TMPRSS12: variants seen among roughly 807,000 people sequenced by gnomAD.
TMPRSS12 encodes the protein transmembrane protease serine 12.
A neutral mutation model predicts 26.0 loss-of-function variants in TMPRSS12; 25 were observed. That is an observed-to-expected ratio of 0.96 (90% CI 0.70 to 1.34). The LOEUF (loss-of-function observed/expected upper bound fraction) is 1.34. Ranked by LOEUF, TMPRSS12 falls within the 40% of genes most tolerant of loss-of-function variation. The probability of loss-of-function intolerance (pLI) is 0.00; values close to 1 mark genes in which losing one functional copy is unlikely to be tolerated. For missense variants in TMPRSS12, 441 were observed against 440.1 expected, an observed-to-expected ratio of 1.00 and a Z score of -0.02; for synonymous variants, 150 against 161.7, an observed-to-expected ratio of 0.93 and a Z score of 0.55.
In TMPRSS12 at chr12:50,879,276, G is replaced by A. The variant is rs541418505; in HGVS notation, c.653-5970G>A. Among the ~76,000 whole-genome samples the A allele has an allele frequency of 3.9e-5, 6 of 152,102 alleles. No homozygotes were observed. In the South Asian group the frequency reaches 1.2e-3, roughly 31 times the overall value. ...GCGATGATTTCTTAGGACACCAAAAGCACAACCATTAATAAAAATAAAAAT... is the reference window on the plus strand; with the variant it reads ...GCGATGATTTCTTAGGACACCAAAAACACAACCATTAATAAAAATAAAAAT... On this transcript the variant is annotated intron_variant, in intron 3 of 4. Coordinates refer to ENST00000398458, the MANE Select transcript of TMPRSS12 (RefSeq NM_182559.3).
intron 3 of TMPRSS12, among the ~76,000 whole-genome samples, chr12:50,877,590 AATAGCGTTT>A (rs1175860825): frequency 1.3e-5 from 2 of 152,214 alleles, no homozygotes; most frequent in Non-Finnish European, 2.9e-5. Flanking sequence ...TTCCATTCAT[AATAGCGTTT>A]ATTTATTTAT....
At chr12:50,853,581 C>CAAA (rs34657217) in intron 2 of TMPRSS12, among the ~76,000 whole-genome samples, 1,738 of 102,176 alleles carry the variant, frequency 0.017, 26 homozygotes, top group Non-Finnish European at 0.02. Context: ...GCTAGACTAA[C>CAAA]AAAAAAAAAA....
intron 2 of TMPRSS12, among the ~76,000 whole-genome samples, chr12:50,851,468 G>A (rs1937825647): frequency 6.6e-6 from 1 of 152,116 alleles, no homozygotes; most frequent in South Asian, 2.1e-4. Flanking sequence ...CTCAGAGCTG[G>A]AAGACTAGTT....
intron 3 of TMPRSS12, among the ~76,000 whole-genome samples, chr12:50,875,388 G>A (rs1273065093): frequency 6.6e-6 from 1 of 151,132 alleles, no homozygotes; most frequent in Non-Finnish European, 1.5e-5. Context: ...CTACTTGGGA[G>A]GCTGAGGCAG....
chr12:50,868,040 C>T (rs1239679304), intron 3 of TMPRSS12, among the ~76,000 whole-genome samples: 1 of 152,162 alleles, frequency 6.6e-6, no homozygotes, highest in East Asian at 1.9e-4. Context: ...ATAAATCTCA[C>T]AGGACCTATA....
At chr12:50,865,868 T>C (rs544360693) in intron 3 of TMPRSS12, among the ~76,000 whole-genome samples, 1 of 152,254 alleles carries the variant, frequency 6.6e-6, no homozygotes, top group South Asian at 2.1e-4. Flanking sequence ...CCTTCTGCCA[T>C]GATTGTAGGT....
At chr12:50,867,849 C>T (rs1381690122) in intron 3 of TMPRSS12, among the ~76,000 whole-genome samples, 3 of 152,092 alleles carry the variant, frequency 2.0e-5, no homozygotes, top group Non-Finnish European at 4.4e-5. Flanking sequence ...CAATTATCGC[C>T]AAGAATTTTG....
chr12:50,885,661 A>AT (rs138746951), intron 4 of TMPRSS12: 1,768 of 516,072 alleles, frequency 3.4e-3, no homozygotes, highest in Middle Eastern at 5.1e-3. Flanking sequence ...GTACAGCTCA[A>AT]TTTTTTTTTT....
chr12:50,887,392 A>T lies in TMPRSS12; in HGVS notation c.926A>T (p.Tyr309Phe), dbSNP rs753668409. 1.2e-6 allele frequency: 2 copies of T among 1,613,952 alleles called. No homozygotes were observed. Among genetic ancestry groups the T allele is most frequent in the Non-Finnish European group, 1.7e-6 (2 of 1,179,860 alleles). Residue 309 changes from tyrosine (Y) to phenylalanine (F), a missense_variant, in exon 5 of 5, where the codon TAC becomes TTC. Coordinates refer to ENST00000398458, the MANE Select transcript of TMPRSS12 (RefSeq NM_182559.3). ...FPGVYIGPSF[Y>F]QKWLTEHFFH... The stretch of plus-strand genomic sequence containing the variant: ...GGTGTCTATATTGGGCCATCCTTCT[A>T]CCAAAAGTGGCTGACAGAGCATTTC...
chr12:50,859,141 A>C, intron 3 of TMPRSS12, 88 bp downstream of exon 3: 1 of 1,236,264 alleles, frequency 8.1e-7, no homozygotes, highest in Non-Finnish European at 1.1e-6. Context: ...CATGTGCCAC[A>C]TAATGACATT....
chr12:50,861,389 CTT>C (rs10607636), intron 3 of TMPRSS12, among the ~76,000 whole-genome samples: 124,263 of 150,828 alleles, frequency 0.82, 52,743 homozygotes, highest in East Asian at 0.93. Flanking sequence ...TATTATTTTT[CTT>C]TTTTTTTTTT....
Position 50,887,680 on chromosome 12 carries a change from G to T in TMPRSS12, c.*167G>T. On this transcript the variant is annotated 3_prime_UTR_variant, in exon 5 of 5. Coordinates refer to ENST00000398458, the MANE Select transcript of TMPRSS12 (RefSeq NM_182559.3). ...TGACAGATATACAATTGTAATTTTG[G>T]CACTGAATCACATGTCTCCTTGAAA... is the stretch of plus-strand genomic sequence containing the variant. 2.6e-6 allele frequency: 2 copies of T among 756,932 alleles called. No homozygotes were observed. Among genetic ancestry groups the T allele is most frequent in the Non-Finnish European group, 4.0e-6 (2 of 497,586 alleles). The allele number at this position is 756,932 out of a possible 1,614,324, so 46.9% of individuals were successfully genotyped here.
chr12:50,872,794 G>GTATATATGTACATATATAGACGTC (rs1938071827), intron 3 of TMPRSS12, among the ~76,000 whole-genome samples: 4 of 12,794 alleles, frequency 3.1e-4, no homozygotes, highest in South Asian at 2.6e-3. Flanking sequence ...TATATATGAC[G>GTATATATGTACATATATAGACGTC]TATATATGTA....
chr12:50,849,725 TA>T (rs570316511), intron 2 of TMPRSS12, among the ~76,000 whole-genome samples: 1,488 of 147,354 alleles, frequency 0.01, 24 homozygotes, highest in African/African-American at 0.031. Context: ...CATTCCTTTT[TA>T]AAAAAAAAAA....
intron 3 of TMPRSS12, among the ~76,000 whole-genome samples, chr12:50,879,762 G>A (rs570876006): frequency 1.3e-5 from 2 of 152,276 alleles, no homozygotes; most frequent in African/African-American, 2.4e-5. Context: ...GAGCTCAGGA[G>A]TTTGAGACCA....
At chr12:50,854,213 C>A (rs1394429362) in intron 2 of TMPRSS12, among the ~76,000 whole-genome samples, 1 of 152,120 alleles carries the variant, frequency 6.6e-6, no homozygotes, top group East Asian at 1.9e-4. Context: ...AAAACAAAAA[C>A]CACATCATCT....
At chr12:50,845,813 T>C (rs922931262) in intron 2 of TMPRSS12, among the ~76,000 whole-genome samples, 1 of 152,262 alleles carries the variant, frequency 6.6e-6, no homozygotes, top group Non-Finnish European at 1.5e-5. Context: ...ACACTACTAC[T>C]TTGATAATAA....
intron 2 of TMPRSS12, among the ~76,000 whole-genome samples, chr12:50,851,041 G>A (rs1937821990): frequency 6.6e-6 from 1 of 152,088 alleles, no homozygotes; most frequent in African/African-American, 2.4e-5. Flanking sequence ...GAATATAAAA[G>A]CAAAAAGCCC....
At chr12:50,854,241 G>T (rs1333496317) in intron 2 of TMPRSS12, among the ~76,000 whole-genome samples, 2 of 152,038 alleles carry the variant, frequency 1.3e-5, no homozygotes, top group Admixed American at 6.6e-5. Flanking sequence ...TACAGAAAAG[G>T]CTTTTGATAA....
Sources: gnomAD v4.1 joint callset for allele counts (sites outside exome capture counted in the v4.1 genomes callset) on GRCh38, gnomAD v4.1.1 for gene constraint, MANE v1.5 for transcripts, NCBI Gene and HGNC (gene_info 2026-07-23, HGNC 2026-07-21) for gene names.